Variants in COL5A2 observed in about 807,000 individuals in gnomAD.
COL5A2 encodes the protein collagen alpha-2(V) chain.
COL5A2 carries 23 observed loss-of-function variants against 208.2 expected under a neutral mutation model. The ratio of observed to expected loss-of-function variants is 0.11; its 90% CI spans 0.08 to 0.16. COL5A2 has a LOEUF of 0.16. COL5A2 is among the 10% of genes least tolerant of loss of function. COL5A2 has a pLI of 1.00. For missense variants in COL5A2, 1,590 were observed against 1,956.4 expected (o/e 0.81, Z 3.53); for synonymous variants, 625 against 628.5 (o/e 0.99, Z 0.08).
In COL5A2 at chr2:189,045,693, C is replaced by A. The variant is rs117588489; in HGVS notation, c.3309+107G>T. The A allele has an allele frequency of 0.016, 13,742 of 872,352 alleles. 491 individuals carry two copies. Among genetic ancestry groups the A allele is most frequent in the South Asian group, 0.083 (6,009 of 72,558 alleles). 54.0% of individuals were successfully genotyped at this position (872,352 alleles called of 1,614,324 possible). Reference sequence around the variant, plus strand: ...CTGTTTACCATTCATTATTTAGAGTCCTTAACGAAGTGCACATGTATGACT... The same window carrying A: ...CTGTTTACCATTCATTATTTAGAGTACTTAACGAAGTGCACATGTATGACT... On this transcript the variant is annotated intron_variant, in intron 46 of 53. Transcript: ENST00000374866.
chr2:189,360,917 G>A, the COL5A2 span, among the ~76,000 whole-genome samples: 3 of 150,898 alleles, frequency 2.0e-5, no homozygotes, highest in African/African-American at 7.3e-5. Context: ...ATGGCTTCCA[G>A]CTCCATCCAA....
At chr2:189,212,934 G>C (rs572636826) in intron 1 of COL5A2, among the ~76,000 whole-genome samples, 90 of 151,480 alleles carry the variant, frequency 5.9e-4, no homozygotes, top group African/African-American at 2.1e-3. Context: ...TGTTGCTCAG[G>C]CTGGAGTGTG....
intron 31 of COL5A2, among the ~76,000 whole-genome samples, chr2:189,059,785 C>T (rs750884757): frequency 8.6e-5 from 13 of 150,676 alleles, no homozygotes; most frequent in African/African-American, 1.5e-4. Flanking sequence ...TTAGTACAGA[C>T]GGTTGGCCAG....
At chr2:189,351,902 G>T in the COL5A2 span, among the ~76,000 whole-genome samples, 1 of 151,992 alleles carries the variant, frequency 6.6e-6, no homozygotes, top group Non-Finnish European at 1.5e-5. Context: ...GTGGTTTGCT[G>T]CACCCATCAA....
the COL5A2 span, among the ~76,000 whole-genome samples, chr2:189,232,235 C>T: frequency 1.8e-4 from 27 of 151,720 alleles, no homozygotes; most frequent in African/African-American, 6.5e-4. Flanking sequence ...TAGATAAGCA[C>T]CTGCATTTAA....
At chr2:189,165,620 G>A (rs1002115892) in intron 1 of COL5A2, among the ~76,000 whole-genome samples, 4 of 152,164 alleles carry the variant, frequency 2.6e-5, no homozygotes, top group African/African-American at 4.8e-5. Flanking sequence ...ATATGCAGAC[G>A]AGGAGAGGAA....
At chr2:189,250,377 C>T in the COL5A2 span, among the ~76,000 whole-genome samples, 3 of 152,284 alleles carry the variant, frequency 2.0e-5, no homozygotes, top group East Asian at 3.9e-4. Context: ...AATTAAAACC[C>T]AGACAATTTG....
At chr2:189,261,431 T>A in the COL5A2 span, among the ~76,000 whole-genome samples, 2 of 152,204 alleles carry the variant, frequency 1.3e-5, no homozygotes, top group Non-Finnish European at 2.9e-5. Context: ...ATTTACAGAT[T>A]GACTAAAACA....
intron 1 of COL5A2, among the ~76,000 whole-genome samples, chr2:189,211,016 T>C (rs1237718206): frequency 2.0e-5 from 3 of 152,216 alleles, no homozygotes; most frequent in East Asian, 1.9e-4. Flanking sequence ...GATTTATAAC[T>C]AAGCAGACTT....
the COL5A2 span, among the ~76,000 whole-genome samples, chr2:189,362,802 C>T: frequency 3.3e-5 from 5 of 152,018 alleles, no homozygotes; most frequent in Admixed American, 1.3e-4. Flanking sequence ...ATAGAGAAGA[C>T]AGTCCTTTGA....
At chr2:189,349,865 T>A in the COL5A2 span, among the ~76,000 whole-genome samples, 2 of 152,088 alleles carry the variant, frequency 1.3e-5, no homozygotes, top group Non-Finnish European at 2.9e-5. Flanking sequence ...ACTTAGAAAT[T>A]TACAATTGCC....
chr2:189,100,099 A>G lies in COL5A2; in HGVS notation c.369+8T>C, dbSNP rs1687018264. On this transcript the variant is annotated splice_region_variant and intron_variant, in intron 4 of 53. Coordinates refer to ENST00000374866, the MANE Select transcript of COL5A2 (RefSeq NM_000393.5). ...GTACAAGGAAACAATGATTATACAT[A>G]TACTTACAACAGGCACTAATCCTGG... 1 of 1,605,178 alleles carries G rather than the reference A, an allele frequency of 6.2e-7. No homozygotes were observed.
chr2:189,321,743 C>G, the COL5A2 span, among the ~76,000 whole-genome samples: 1 of 152,152 alleles, frequency 6.6e-6, no homozygotes, highest in East Asian at 1.9e-4. Context: ...CTTTAACACC[C>G]CATTGTCAAC....
chr2:189,127,038 T>C (rs1335011065), intron 1 of COL5A2, among the ~76,000 whole-genome samples: 1 of 151,980 alleles, frequency 6.6e-6, no homozygotes, highest in Non-Finnish European at 1.5e-5. Flanking sequence ...TTCAGAGTGC[T>C]TAGGGAGTGT....
chr2:189,186,304 C>A (rs1688851331), intron 1 of COL5A2, among the ~76,000 whole-genome samples: 1 of 152,028 alleles, frequency 6.6e-6, no homozygotes, highest in Non-Finnish European at 1.5e-5. Flanking sequence ...GCCAACAAAC[C>A]ATAATTTTTG....
the COL5A2 span, among the ~76,000 whole-genome samples, chr2:189,423,890 A>G: frequency 6.6e-6 from 1 of 151,032 alleles, no homozygotes; most frequent in Admixed American, 6.6e-5. Context: ...AAATCAGACG[A>G]GGGGGAAAAA....
At chr2:189,050,908 T>G (rs1685773282) in intron 42 of COL5A2, among the ~76,000 whole-genome samples, 1 of 152,150 alleles carries the variant, frequency 6.6e-6, no homozygotes, top group South Asian at 2.1e-4. Flanking sequence ...AAGATTAATG[T>G]GAATACTGAC....
At chr2:189,245,472 T>C in the COL5A2 span, among the ~76,000 whole-genome samples, 1 of 142,310 alleles carries the variant, frequency 7.0e-6, no homozygotes, top group Non-Finnish European at 1.5e-5. Context: ...TTAATTAAGG[T>C]ATACTCAAAA....
chr2:189,191,255 G>A lies in COL5A2; in HGVS notation c.-42+33893C>T, dbSNP rs377224250. Among the ~76,000 whole-genome samples the A allele has an allele frequency of 3.3e-5, 5 of 151,850 alleles. No homozygotes were observed. In the East Asian group the frequency reaches 9.7e-4, roughly 29 times the overall value. On this transcript the variant is annotated intron_variant, in intron 1 of 10. Transcript: ENST00000649966. ...CAGAGTTAAGACAGCTACAACAGCA[G>A]GGACTAAAAACCTATCTTCAAATTC...
Sources: gnomAD v4.1 joint callset for allele counts (sites outside exome capture counted in the v4.1 genomes callset) on GRCh38, gnomAD v4.1.1 for gene constraint, MANE v1.5 for transcripts, NCBI Gene and HGNC (gene_info 2026-07-23, HGNC 2026-07-21) for gene names.